The following BMP7 variants were observed in gnomAD, a reference collection of about 807,000 sequenced individuals.
BMP7 encodes osteogenic protein 1.
A neutral mutation model predicts 41.2 loss-of-function variants in BMP7; 12 were observed. That is an observed-to-expected ratio of 0.29 (90% CI 0.19 to 0.47). The LOEUF (loss-of-function observed/expected upper bound fraction) is 0.47. Among genes scored for constraint, BMP7 ranks in the 20% least tolerant of loss-of-function variants. The pLI is 0.99. For missense variants in BMP7, 467 were observed against 606.0 expected, an observed-to-expected ratio of 0.77 and a Z score of 2.41; for synonymous variants, 248 against 250.0, an observed-to-expected ratio of 0.99 and a Z score of 0.07.
intron 3 of BMP7, among the ~76,000 whole-genome samples, chr20:57,196,757 A>G (rs568270464): frequency 6.6e-6 from 1 of 152,296 alleles, no homozygotes; most frequent in East Asian, 1.9e-4. Context: ...CCAGCTACTC[A>G]GGAGGCTGAG....
intron 2 of BMP7, among the ~76,000 whole-genome samples, chr20:57,207,030 A>G (rs375770266): frequency 1.6e-4 from 24 of 152,368 alleles, no homozygotes; most frequent in Admixed American, 2.6e-4. Context: ...CTGTATGCAC[A>G]TGCTGCTGTC....
chr20:57,174,458 G>T lies in BMP7; in HGVS notation c.1035+473C>A, dbSNP rs1444475169. Among the ~76,000 whole-genome samples, 1 of 152,128 alleles carries T rather than the reference G, an allele frequency of 6.6e-6. No individual in the cohort carries two copies. Among genetic ancestry groups the T allele is most frequent in the Non-Finnish European group, 1.5e-5 (1 of 68,018 alleles). On this transcript the variant is annotated intron_variant, in intron 5 of 6. Transcript: ENST00000395863. This position sits in a 1 kb window ranked among gnomAD's most constrained non-coding sequence, Gnocchi z 4.3. ...CATGCAAATGGCTCCAGAGGGGGCA[G>T]CCATGTGCCAGTAACATGACCCCAC...
In BMP7 at chr20:57,214,731, T is replaced by A. The variant is rs1173310740; in HGVS notation, c.612-12108A>T. 6.6e-6 allele frequency: 1 copy of A among 152,364 alleles called. No individual in the cohort carries two copies. Among genetic ancestry groups the A allele is most frequent in the East Asian group, 1.9e-4 (1 of 5,200 alleles). 9.4% of individuals were successfully genotyped at this position (152,364 alleles called of 1,614,324 possible). ...TCGGACACGCTCCAAGCCCAAGTCCTCTCCCCTGCGCCATCTGGGCTGGAG... is the reference window on the plus strand; with the variant it reads ...TCGGACACGCTCCAAGCCCAAGTCCACTCCCCTGCGCCATCTGGGCTGGAG... On this transcript the variant is annotated intron_variant, in intron 2 of 6. Coordinates refer to ENST00000395863, the MANE Select transcript of BMP7 (RefSeq NM_001719.3). The surrounding 1 kb of genome is among the most constrained non-coding windows in gnomAD (Gnocchi z 4.0).
At chr20:57,200,586 C>G (rs1355492986) in intron 3 of BMP7, among the ~76,000 whole-genome samples, 1 of 152,178 alleles carries the variant, frequency 6.6e-6, no homozygotes, top group Admixed American at 6.5e-5. Context: ...CACTGGGGCC[C>G]AGTTGGAAGG....
At chr20:57,239,235 T>C (rs2066059971) in intron 1 of BMP7, among the ~76,000 whole-genome samples, 1 of 152,116 alleles carries the variant, frequency 6.6e-6, no homozygotes, top group Non-Finnish European at 1.5e-5. Context: ...CCATTCCAAA[T>C]GGGAGAAATT....
chr20:57,216,108 T>A (rs1440005747), intron 2 of BMP7, among the ~76,000 whole-genome samples: 1 of 152,076 alleles, frequency 6.6e-6, no homozygotes, highest in Non-Finnish European at 1.5e-5. Context: ...GTTCTAAGAC[T>A]TATTCTCACG....
chr20:57,259,306 T>C lies in BMP7; in HGVS notation c.418+6399A>G, dbSNP rs914328573. On this transcript the variant is annotated intron_variant, in intron 1 of 6. Coordinates refer to ENST00000395863, the MANE Select transcript of BMP7 (RefSeq NM_001719.3). This position sits in a 1 kb window ranked among gnomAD's most constrained non-coding sequence, Gnocchi z 4.7. ...ATCAGCGAGGGCTGGAAGCCTTCAC[T>C]GTGAAGCCCTTTATAGAAAGCCGCG... Among the ~76,000 whole-genome samples the C allele has an allele frequency of 6.6e-6, 1 of 152,210 alleles. No homozygotes were observed. The highest frequency in any genetic ancestry group is 2.4e-5 in the African/African-American group (1 of 41,450).
chr20:57,209,089 C>T (rs1218973228), intron 2 of BMP7, among the ~76,000 whole-genome samples: 3 of 151,788 alleles, frequency 2.0e-5, no homozygotes, highest in Non-Finnish European at 2.9e-5. Context: ...GAGGCTGAGG[C>T]GTGTGGATCA....
rs1284706470 is a variant in BMP7, at chr20:57,171,317, A to C, written c.1147-209T>G. Among the ~76,000 whole-genome samples the C allele has an allele frequency of 5.3e-5, 8 of 152,204 alleles. No individual in the cohort carries two copies. Among genetic ancestry groups the C allele is most frequent in the Admixed American group, 5.2e-4 (8 of 15,284 alleles). Reference sequence around the variant, plus strand: ...GTTTTGCAGACAAGGGAACCAAAGCATAGAGGTTTTCACATTATACAGTGG... The same window carrying C: ...GTTTTGCAGACAAGGGAACCAAAGCCTAGAGGTTTTCACATTATACAGTGG... On this transcript the variant is annotated intron_variant, in intron 6 of 6. Transcript: ENST00000395863. This position sits in a 1 kb window ranked among gnomAD's most constrained non-coding sequence, Gnocchi z 4.5.
chr20:57,173,377 G>C (rs1454466310), intron 5 of BMP7, 67 bp from the exon 6 acceptor site: 1 of 1,492,550 alleles, frequency 6.7e-7, no homozygotes, highest in African/African-American at 1.4e-5. Context: ...CAACCCCCAT[G>C]CTGGCCAGAA....
intron 1 of BMP7, among the ~76,000 whole-genome samples, chr20:57,244,727 C>A (rs2066082913): frequency 6.6e-6 from 1 of 152,218 alleles, no homozygotes; most frequent in Non-Finnish European, 1.5e-5. Context: ...GCCTTGCCTG[C>A]TCCCAGCCAG....
At chr20:57,185,244 CT>C (rs1984182441) in intron 3 of BMP7, among the ~76,000 whole-genome samples, 1 of 152,188 alleles carries the variant, frequency 6.6e-6, no homozygotes, top group Non-Finnish European at 1.5e-5. Flanking sequence ...TTGGTTTTAA[CT>C]TTTTGTTGTG....
chr20:57,262,102 C>T (rs2066156404), intron 1 of BMP7, among the ~76,000 whole-genome samples: 1 of 152,188 alleles, frequency 6.6e-6, no homozygotes, highest in Admixed American at 6.5e-5. Context: ...AACATGATGA[C>T]TTCCACTCCC....
intron 1 of BMP7, among the ~76,000 whole-genome samples, chr20:57,237,204 C>A (rs2066051207): frequency 6.6e-6 from 1 of 152,196 alleles, no homozygotes; most frequent in Non-Finnish European, 1.5e-5. Context: ...CCCCCACACC[C>A]CACTTTAATG....
chr20:57,174,812 A>T lies in BMP7; in HGVS notation c.1035+119T>A. The T allele has an allele frequency of 8.7e-7, 1 of 1,152,334 alleles. No homozygotes were observed. Among genetic ancestry groups the T allele is most frequent in the Non-Finnish European group, 1.3e-6 (1 of 797,236 alleles). 71.4% of individuals were successfully genotyped at this position (1,152,334 alleles called of 1,614,324 possible). On this transcript the variant is annotated intron_variant, in intron 5 of 6. Coordinates refer to ENST00000395863, the MANE Select transcript of BMP7 (RefSeq NM_001719.3). This position sits in a 1 kb window ranked among gnomAD's most constrained non-coding sequence, Gnocchi z 4.3. The stretch of plus-strand genomic sequence containing the variant: ...CCAAGTCCCCTTCCCTAGCGAGGCC[A>T]CTTGATACTGGAGTCTTAACTGGCA...
rs536900968 is a variant in BMP7 at position 57,258,101 on chromosome 20, A to G, written c.418+7604T>C. ...AATTAAGCCAGGCAACAAAAGATTG[A>G]AACTTGAAAGCTACTCCAGGGAGAT... On this transcript the variant is annotated intron_variant, in intron 1 of 6. Coordinates refer to ENST00000395863, the MANE Select transcript of BMP7 (RefSeq NM_001719.3). Among the ~76,000 whole-genome samples, 62 of 152,352 alleles carry G rather than the reference A, an allele frequency of 4.1e-4. 1 individual carries two copies. In the South Asian group the frequency reaches 0.01, roughly 25 times the overall value.
chr20:57,193,393 C>T (rs1033347637), intron 3 of BMP7, among the ~76,000 whole-genome samples: 1 of 152,162 alleles, frequency 6.6e-6, no homozygotes, highest in African/African-American at 2.4e-5. Context: ...CAACATCCTA[C>T]GATGCATAGG....
At chr20:57,203,858 G>T (rs1352915520) in intron 2 of BMP7, among the ~76,000 whole-genome samples, 4 of 152,180 alleles carry the variant, frequency 2.6e-5, no homozygotes, top group Non-Finnish European at 5.9e-5. Context: ...AGTGAATCTT[G>T]TCTGCTCACA....
intron 2 of BMP7, among the ~76,000 whole-genome samples, chr20:57,226,521 AAC>A (rs1249042833): frequency 6.6e-6 from 1 of 152,224 alleles, no homozygotes; most frequent in Admixed American, 6.5e-5. Flanking sequence ...GCACACGTGA[AAC>A]ACAGCACAAC....
Sources: gnomAD v4.1 joint callset for allele counts (sites outside exome capture counted in the v4.1 genomes callset) on GRCh38, gnomAD v4.1.1 for gene constraint, Gnocchi (gnomAD v3.1) non-coding constraint, MANE v1.5 for transcripts, NCBI Gene and HGNC (gene_info 2026-07-23, HGNC 2026-07-21) for gene names.